Variants in RELN observed in about 807,000 individuals in gnomAD.
The protein encoded by RELN is reelin.
Under a neutral mutation model 427.6 loss-of-function variants are expected in RELN, and 108 were observed. That is an observed-to-expected ratio of 0.25 (90% CI 0.22 to 0.30). The LOEUF (loss-of-function observed/expected upper bound fraction) is 0.30. Ranked by LOEUF, RELN falls within the 10% of genes least tolerant of loss-of-function variation. RELN has a pLI of 1.00. For missense variants in RELN, 3,715 were observed against 4,302.8 expected (o/e 0.86, Z 3.82); for synonymous variants, 1,524 against 1,513.4 (o/e 1.01, Z -0.16).
intron 1 of RELN, among the ~76,000 whole-genome samples, chr7:103,949,708 G>A (rs1340337779): frequency 6.6e-6 from 1 of 152,160 alleles, no homozygotes; most frequent in Non-Finnish European, 1.5e-5. Context: ...AAGAGATAAT[G>A]ATATCCTATA....
At chr7:103,510,424 G>GA (rs1252296380) in intron 51 of RELN, among the ~76,000 whole-genome samples, 1 of 152,194 alleles carries the variant, frequency 6.6e-6, no homozygotes, top group South Asian at 2.1e-4. Flanking sequence ...ACTCATAGGT[G>GA]GGAGTTGAAC....
chr7:103,483,119 T>G, intron 62 of RELN, 148 bp from the exon 63 acceptor site: 1 of 720,518 alleles, frequency 1.4e-6, no homozygotes, highest in Admixed American at 2.1e-5. Flanking sequence ...GGTCATAGTA[T>G]TCTTCTGAGC....
intron 2 of RELN, among the ~76,000 whole-genome samples, chr7:103,861,975 A>G (rs1794081128): frequency 6.6e-6 from 1 of 152,164 alleles, no homozygotes; most frequent in African/African-American, 2.4e-5. Flanking sequence ...GAAGAAATTA[A>G]AAATAAAAAC....
intron 13 of RELN, among the ~76,000 whole-genome samples, chr7:103,653,679 T>C (rs1242360255): frequency 1.3e-5 from 2 of 152,022 alleles, no homozygotes; most frequent in African/African-American, 4.8e-5. Context: ...TAGCTCTAGT[T>C]AGCAAAGAAA....
chr7:103,672,300 T>C (rs1190651871), intron 11 of RELN, among the ~76,000 whole-genome samples: 1 of 152,106 alleles, frequency 6.6e-6, no homozygotes, highest in South Asian at 2.1e-4. Flanking sequence ...GGACAGTTAC[T>C]ATGGGGCTGG....
Position 103,522,117 on chromosome 7 carries a change from C to G in RELN, c.7573G>C (p.Ala2525Pro). 6.2e-7 allele frequency: 1 copy of G among 1,614,074 alleles called. No homozygotes were observed. The highest frequency in any genetic ancestry group is 8.5e-7 in the Non-Finnish European group (1 of 1,180,012). The change falls in exon 48 of 65, where the codon GCT becomes CCT. Residue 2525 changes from alanine (A) to proline (P), a missense_variant. Physicochemically the swap from Ala to Pro is conservative, Grantham distance 27. Coordinates refer to ENST00000428762, the MANE Select transcript of RELN (RefSeq NM_005045.4). Reference sequence around the variant, plus strand: ...GTCAGCCAGTTCTGACTGGATGGAGCTCGATTGAAGTTGTCTTTGAGTTGG... The same window carrying G: ...GTCAGCCAGTTCTGACTGGATGGAGGTCGATTGAAGTTGTCTTTGAGTTGG... ...PTQLKDNFNR[A>P]PSSQNWLTVN...
chr7:103,814,694 G>T (rs190024873), intron 3 of RELN, among the ~76,000 whole-genome samples: 134 of 152,142 alleles, frequency 8.8e-4, no homozygotes, highest in African/African-American at 3.2e-3. Context: ...TGGAGTGAAG[G>T]TTCATCACAG....
intron 1 of RELN, among the ~76,000 whole-genome samples, chr7:103,946,650 C>CTA (rs1354336790): frequency 1.3e-5 from 2 of 152,164 alleles, no homozygotes; most frequent in Non-Finnish European, 2.9e-5. Flanking sequence ...TTACACTTTA[C>CTA]TATGTCTCTT....
chr7:103,815,677 G>C (rs544492080), intron 3 of RELN, among the ~76,000 whole-genome samples: 1 of 152,204 alleles, frequency 6.6e-6, no homozygotes, highest in Non-Finnish European at 1.5e-5. Context: ...TGTAATAACA[G>C]TTTTGGTAGT....
intron 34 of RELN, among the ~76,000 whole-genome samples, chr7:103,562,522 A>T (rs775635054): frequency 3.3e-5 from 5 of 152,186 alleles, no homozygotes; most frequent in African/African-American, 4.8e-5. Context: ...ATTTATTTGC[A>T]ATCTGTTATT....
chr7:103,947,488 C>T (rs1377559878), intron 1 of RELN, among the ~76,000 whole-genome samples: 1 of 152,090 alleles, frequency 6.6e-6, no homozygotes, highest in Non-Finnish European at 1.5e-5. Flanking sequence ...TATGAAGAAA[C>T]ATATGGAAAA....
At chr7:103,730,261 G>T (rs1159491541) in intron 6 of RELN, among the ~76,000 whole-genome samples, 1 of 152,018 alleles carries the variant, frequency 6.6e-6, no homozygotes, top group Admixed American at 6.6e-5. Context: ...CATAAATATT[G>T]CTCAGCAGTT....
intron 3 of RELN, among the ~76,000 whole-genome samples, chr7:103,783,248 C>T (rs981693322): frequency 6.7e-6 from 1 of 150,332 alleles, no homozygotes; most frequent in African/African-American, 2.5e-5. Flanking sequence ...TCCCACCTTG[C>T]CCTCTCAAAG....
chr7:103,559,745 T>G (rs796125890), intron 36 of RELN, among the ~76,000 whole-genome samples: 5 of 152,176 alleles, frequency 3.3e-5, no homozygotes, highest in African/African-American at 1.2e-4. Flanking sequence ...TGGCTAAGTG[T>G]TGGATTCTTT....
intron 1 of RELN, among the ~76,000 whole-genome samples, chr7:103,975,515 G>GTTTT (rs35356053): frequency 0.23 from 32,135 of 141,688 alleles, 4,057 homozygotes; most frequent in East Asian, 0.25. Context: ...GAATGGAGCA[G>GTTTT]TATTTATTTA....
intron 10 of RELN, among the ~76,000 whole-genome samples, chr7:103,687,758 CAAATAAAT>C (rs953169004): frequency 1.3e-5 from 2 of 151,784 alleles, no homozygotes; most frequent in African/African-American, 4.8e-5. Flanking sequence ...AGCCTCAGAC[CAAATAAAT>C]AAATAAATAA....
At chr7:103,718,107 C>T (rs1389756237) in intron 8 of RELN, among the ~76,000 whole-genome samples, 4 of 151,996 alleles carry the variant, frequency 2.6e-5, no homozygotes, top group Non-Finnish European at 5.9e-5. Flanking sequence ...TCCAATTCAG[C>T]TAAGAGTATT....
rs564362537 is a variant in RELN at position 103,850,212 on chromosome 7, G to A, written c.338-16540C>T. ...AATTTATATGAGAGGACCCACAGATGCTCTGAAGGAAGCAGACTGCTCCTG... is the reference window on the plus strand; with the variant it reads ...AATTTATATGAGAGGACCCACAGATACTCTGAAGGAAGCAGACTGCTCCTG... On this transcript the variant is annotated intron_variant, in intron 2 of 64. Coordinates refer to ENST00000428762, the MANE Select transcript of RELN (RefSeq NM_005045.4). Among the ~76,000 whole-genome samples, 40 of 152,302 alleles carry A rather than the reference G, an allele frequency of 2.6e-4. No homozygotes were observed. In the East Asian group the frequency reaches 7.3e-3, roughly 28 times the overall value.
intron 8 of RELN, among the ~76,000 whole-genome samples, chr7:103,705,744 C>G (rs1243858597): frequency 2.6e-5 from 4 of 152,148 alleles, no homozygotes; most frequent in Non-Finnish European, 4.4e-5. Context: ...GCCTTTGAAA[C>G]TTCAAAGCTG....
Sources: gnomAD v4.1 joint callset for allele counts (sites outside exome capture counted in the v4.1 genomes callset) on GRCh38, gnomAD v4.1.1 for gene constraint, MANE v1.5 for transcripts, NCBI Gene and HGNC (gene_info 2026-07-23, HGNC 2026-07-21) for gene names.